Variants in ARHGAP32 observed in about 807,000 individuals in gnomAD.
ARHGAP32 encodes the protein Rho GTPase activating protein 32.
A neutral mutation model predicts 186.5 loss-of-function variants in ARHGAP32; 51 were observed. That is an observed-to-expected ratio of 0.27 (90% CI 0.22 to 0.35). ARHGAP32 has a LOEUF of 0.35. Among genes scored for constraint, ARHGAP32 ranks in the 10% least tolerant of loss-of-function variants. The pLI, the probability that ARHGAP32 is intolerant of heterozygous loss-of-function variation, is 1.00. For synonymous variants in ARHGAP32, 950 were observed against 964.3 expected, an observed-to-expected ratio of 0.99 and a Z score of 0.27; for missense variants, 2,186 against 2,623.5, an observed-to-expected ratio of 0.83 and a Z score of 3.64.
chr11:129,036,782 A>G (rs1445738534), intron 11 of ARHGAP32, among the ~76,000 whole-genome samples: 1 of 152,222 alleles, frequency 6.6e-6, no homozygotes, highest in Non-Finnish European at 1.5e-5. Flanking sequence ...GTAAAAGACT[A>G]GATGATTTCC....
intron 10 of ARHGAP32, among the ~76,000 whole-genome samples, chr11:129,059,496 A>ATTTTTTT (rs10677456): frequency 8.6e-6 from 1 of 115,638 alleles, no homozygotes; most frequent in African/African-American, 3.4e-5. Flanking sequence ...CTGATTTGCA[A>ATTTTTTT]TTTTTTTTTT....
intron 11 of ARHGAP32, among the ~76,000 whole-genome samples, chr11:129,017,779 A>G (rs1938421932): frequency 6.6e-6 from 1 of 152,116 alleles, no homozygotes; most frequent in Admixed American, 6.5e-5. Flanking sequence ...CCTGACTTTA[A>G]ATAGATTATT....
chr11:129,132,145 G>C (rs1465207641), intron 2 of ARHGAP32, among the ~76,000 whole-genome samples: 2 of 152,164 alleles, frequency 1.3e-5, no homozygotes, highest in Non-Finnish European at 2.9e-5. Context: ...AACAAGAAAA[G>C]CAGTCTTGGA....
At chr11:129,250,276 A>T (rs2135688197) in intron 1 of ARHGAP32, among the ~76,000 whole-genome samples, 1 of 152,294 alleles carries the variant, frequency 6.6e-6, no homozygotes, top group East Asian at 1.9e-4. Flanking sequence ...TATACTTCTG[A>T]TAAACATGTG....
intron 6 of ARHGAP32, among the ~76,000 whole-genome samples, chr11:129,081,392 A>G (rs1387174322): frequency 6.6e-6 from 1 of 152,192 alleles, no homozygotes; most frequent in Non-Finnish European, 1.5e-5. Flanking sequence ...ATCCAAGAGA[A>G]TATCAAAAAG....
At position 128,980,843 on chromosome 11, in the gene ARHGAP32, G is replaced by A. The variant is rs1945688638; in HGVS notation, c.1781-95C>T. On this transcript the variant is annotated intron_variant, in intron 17 of 22. Coordinates refer to ENST00000682385, the MANE Select transcript of ARHGAP32 (RefSeq NM_001378024.1). Reference sequence around the variant, plus strand: ...CTCTCCATCTATCTACCTATCTGTTGTTTCAAATTTTCTTCAAGTATGTTA... The same window carrying A: ...CTCTCCATCTATCTACCTATCTGTTATTTCAAATTTTCTTCAAGTATGTTA... 11 of 983,854 alleles carry A rather than the reference G, an allele frequency of 1.1e-5. No homozygotes were observed. The South Asian group carries it at 2.2e-4, about 19-fold the overall frequency. The allele number at this position is 983,854 out of a possible 1,614,324, so 60.9% of individuals were successfully genotyped here.
intron 1 of ARHGAP32, among the ~76,000 whole-genome samples, chr11:129,170,546 C>T (rs1456016865): frequency 3.9e-5 from 6 of 152,144 alleles, no homozygotes; most frequent in African/African-American, 1.4e-4. Context: ...TTCCATGGTG[C>T]ATATGTACCA....
At chr11:129,033,354 T>G (rs1208604793) in intron 11 of ARHGAP32, among the ~76,000 whole-genome samples, 2 of 152,200 alleles carry the variant, frequency 1.3e-5, no homozygotes, top group Admixed American at 1.3e-4. Context: ...TGTCCCAAAT[T>G]AATACTCCCA....
At chr11:129,106,257 G>C (rs1040274228) in intron 5 of ARHGAP32, among the ~76,000 whole-genome samples, 2 of 152,038 alleles carry the variant, frequency 1.3e-5, no homozygotes, top group African/African-American at 4.8e-5. Flanking sequence ...CAATAGCAAA[G>C]ACATGGAATC....
chr11:129,114,989 A>G (rs539374580), intron 5 of ARHGAP32, among the ~76,000 whole-genome samples: 5 of 152,210 alleles, frequency 3.3e-5, no homozygotes, highest in Admixed American at 2.0e-4. Context: ...CCATTCACCA[A>G]AGCCTAATCA....
At chr11:129,248,087 C>T (rs545721474) in intron 1 of ARHGAP32, among the ~76,000 whole-genome samples, 27 of 151,712 alleles carry the variant, frequency 1.8e-4, no homozygotes, top group Admixed American at 5.3e-4. Flanking sequence ...CCGAGGCGGG[C>T]AGATCACGAG....
intron 9 of ARHGAP32, among the ~76,000 whole-genome samples, chr11:129,063,385 T>C (rs1190060624): frequency 1.3e-5 from 2 of 152,134 alleles, no homozygotes; most frequent in Non-Finnish European, 2.9e-5. Context: ...TTAATTCCCC[T>C]CCTTTTATAT....
chr11:128,989,559 CATAT>C (rs767960091), intron 12 of ARHGAP32, among the ~76,000 whole-genome samples: 4 of 148,214 alleles, frequency 2.7e-5, no homozygotes, highest in South Asian at 2.2e-4. Context: ...CACACACATA[CATAT>C]ATCTTTTTTT....
Position 129,036,311 on chromosome 11 carries a change from C to T in ARHGAP32, c.1045+4617G>A, listed in dbSNP as rs571636618. Among the ~76,000 whole-genome samples the T allele has an allele frequency of 4.1e-3, 547 of 132,200 alleles. 1 individual carries two copies. Among genetic ancestry groups the T allele is most frequent in the African/African-American group, 0.013 (465 of 34,828 alleles). The allele number at this position is 132,200 out of a possible 152,430, so 86.7% of individuals were successfully genotyped here. ...AGGAGAATCGCTTGAACCTAGGAGG[C>T]GGAGGTTGCAGTGAGCTGAGATCGC... On this transcript the variant is annotated intron_variant, in intron 11 of 22. Transcript: ENST00000682385.
At chr11:128,976,957 A>C (rs1284936337) in intron 19 of ARHGAP32, among the ~76,000 whole-genome samples, 1 of 152,194 alleles carries the variant, frequency 6.6e-6, no homozygotes, top group Non-Finnish European at 1.5e-5. Context: ...TGATATCTTG[A>C]ATGACATCAT....
chr11:129,109,144 T>C (rs1413036605), intron 5 of ARHGAP32, among the ~76,000 whole-genome samples: 1 of 152,156 alleles, frequency 6.6e-6, no homozygotes, highest in Non-Finnish European at 1.5e-5. Context: ...TAAGTGAGAA[T>C]ATGCAATATT....
rs1356837184 is a variant in ARHGAP32 at position 129,093,627 on chromosome 11, A to G, written c.525T>C (p.Ala175=). Residue 175 remains alanine (A), a synonymous_variant, in exon 6 of 23, where the codon GCT becomes GCC. Transcript: ENST00000682385. Reference sequence around the variant, plus strand: ...AATACATTCACAAAATCACCTGACAAGCAATCTGCACGAGGTAGACCAGCT... The same window carrying G: ...AATACATTCACAAAATCACCTGACAGGCAATCTGCACGAGGTAGACCAGCT... The part of the protein sequence containing the change: ...SKELVYLVQI[A]CQGKSWIVKR... 6.2e-7 allele frequency: 1 copy of G among 1,602,974 alleles called. No homozygotes were observed. The highest frequency in any genetic ancestry group is 8.5e-7 in the Non-Finnish European group (1 of 1,173,750).
chr11:129,043,381 CTTTTTT>C (rs1213682729), intron 10 of ARHGAP32, among the ~76,000 whole-genome samples: 2 of 103,336 alleles, frequency 1.9e-5, no homozygotes, highest in African/African-American at 3.9e-5. Context: ...TTCTTTTTTT[CTTTTTT>C]TTTTTTTTTT....
chr11:129,037,526 C>T (rs1402312253), intron 11 of ARHGAP32, among the ~76,000 whole-genome samples: 1 of 151,820 alleles, frequency 6.6e-6, no homozygotes, highest in Admixed American at 6.6e-5. Context: ...AAAAGAATAT[C>T]TAAATAAATG....
Sources: allele counts gnomAD v4.1 joint callset (sites outside exome capture counted in the v4.1 genomes callset), GRCh38; gene constraint gnomAD v4.1.1; transcripts MANE v1.5; gene names NCBI Gene and HGNC (gene_info 2026-07-23, HGNC 2026-07-21).